The following DPP6 variants were observed in gnomAD, a reference collection of about 807,000 sequenced individuals.
The protein encoded by DPP6 is A-type potassium channel modulatory protein DPP6.
In DPP6, 69 loss-of-function variants were observed where a neutral mutation model predicts 122.6. The ratio of observed to expected loss-of-function variants is 0.56; its 90% CI spans 0.46 to 0.69. The LOEUF (loss-of-function observed/expected upper bound fraction) is 0.69, where lower values mean the gene tolerates loss of function less well. DPP6 is among the 30% of genes least tolerant of loss of function. The probability of loss-of-function intolerance (pLI) is 0.00; values close to 1 mark genes in which losing one functional copy is unlikely to be tolerated. For synonymous variants in DPP6, 418 were observed against 433.1 expected (o/e 0.97, Z 0.43); for missense variants, 928 against 1,116.9 (o/e 0.83, Z 2.41).
chr7:154,440,522 G>A (rs1819282490), intron 1 of DPP6, among the ~76,000 whole-genome samples: 1 of 152,166 alleles, frequency 6.6e-6, no homozygotes, highest in Non-Finnish European at 1.5e-5. Context: ...CCTCCAGCCA[G>A]CATTGTGAAT....
chr7:153,951,386 G>A (rs1489007848), intron 1 of DPP6, among the ~76,000 whole-genome samples: 5 of 152,156 alleles, frequency 3.3e-5, no homozygotes, highest in Non-Finnish European at 7.3e-5. Context: ...AGAAGCGCTC[G>A]AGGTCAGTCA....
rs545854529 is a variant in DPP6, at chr7:154,840,314, C to T, written c.1667-13466C>T. Among the ~76,000 whole-genome samples, 269 of 152,316 alleles carry T rather than the reference C, an allele frequency of 1.8e-3. 1 individual carries two copies. Among genetic ancestry groups the T allele is most frequent in the African/African-American group, 6.2e-3 (256 of 41,576 alleles). On this transcript the variant is annotated intron_variant, in intron 16 of 25. Transcript: ENST00000377770. ...CACATTCCTCCATTCTGCTGTCACA[C>T]GGTGGACCAACCATCAGGGGCTAAA...
rs183059170 is a variant in DPP6 at position 154,683,330 on chromosome 7, A to G, written c.762+13889A>G. Among the ~76,000 whole-genome samples, 3 of 152,190 alleles carry G rather than the reference A, an allele frequency of 2.0e-5. No individual in the cohort carries two copies. In the East Asian group the frequency reaches 5.8e-4, roughly 29 times the overall value. On this transcript the variant is annotated intron_variant, in intron 7 of 25. Transcript: ENST00000377770. Reference sequence around the variant, plus strand: ...TCAGTTCATTCATAAATCTAAACTCACTATTGTTTCTGCCAAAGCTCTGCC... The same window carrying G: ...TCAGTTCATTCATAAATCTAAACTCGCTATTGTTTCTGCCAAAGCTCTGCC...
intron 1 of DPP6, among the ~76,000 whole-genome samples, chr7:153,911,981 C>T (rs1489130390): frequency 3.3e-5 from 5 of 152,138 alleles, no homozygotes; most frequent in Non-Finnish European, 4.4e-5. Flanking sequence ...CTGAAAACTT[C>T]GGGTTAAATT....
intron 1 of DPP6, among the ~76,000 whole-genome samples, chr7:153,993,891 C>G (rs1268992571): frequency 6.6e-6 from 1 of 152,090 alleles, no homozygotes; most frequent in Non-Finnish European, 1.5e-5. Flanking sequence ...CAATTCTGGC[C>G]AATCTTGGCT....
At chr7:154,196,227 T>C (rs1304968112) in intron 1 of DPP6, among the ~76,000 whole-genome samples, 1 of 152,190 alleles carries the variant, frequency 6.6e-6, no homozygotes, top group Non-Finnish European at 1.5e-5. Flanking sequence ...CGGTGGCTCA[T>C]GCCTGTAATC....
rs543743690 is a variant in DPP6, at chr7:154,007,048, G to A, written c.51+119314G>A. 6.6e-5 allele frequency among the ~76,000 whole-genome samples: 10 copies of A among 152,322 alleles called. No homozygotes were observed. In the South Asian group the frequency reaches 1.9e-3, roughly 28 times the overall value. ...GTGTACAGAGCCTGGTCATGCTATG[G>A]GTCACAGAGACACAGGGCCACTGCC... On this transcript the variant is annotated intron_variant, in intron 1 of 25. Coordinates refer to the DPP6 transcript ENST00000404039.
chr7:153,961,771 T>C (rs1252011599), intron 1 of DPP6, among the ~76,000 whole-genome samples: 1 of 105,050 alleles, frequency 9.5e-6, no homozygotes, highest in African/African-American at 4.6e-5. Flanking sequence ...TCATCAGGCA[T>C]TGGATTCTCA....
At chr7:154,782,644 C>T (rs1797098455) in intron 10 of DPP6, among the ~76,000 whole-genome samples, 1 of 152,252 alleles carries the variant, frequency 6.6e-6, no homozygotes, top group East Asian at 1.9e-4. Flanking sequence ...CGCTCGTCTC[C>T]AATCAGTAGT....
chr7:154,514,687 G>T (rs1488880957), intron 3 of DPP6, among the ~76,000 whole-genome samples: 1 of 152,102 alleles, frequency 6.6e-6, no homozygotes, highest in African/African-American at 2.4e-5. Context: ...TGTCTTACGG[G>T]TTCATCCATG....
At chr7:153,825,534 A>T in the DPP6 span, among the ~76,000 whole-genome samples, 1 of 144,826 alleles carries the variant, frequency 6.9e-6, no homozygotes, top group African/African-American at 2.6e-5. Flanking sequence ...TGCACATGGC[A>T]TCTTGCCCAT....
rs1196577624 is a variant in DPP6, at chr7:154,060,474, A to AC, written c.243+7413dup. Among the ~76,000 whole-genome samples the AC allele has an allele frequency of 1.1e-4, 14 of 130,126 alleles. 1 individual carries two copies. The highest frequency in any genetic ancestry group is 8.8e-4 in the East Asian group (4 of 4,524). The allele number at this position is 130,126 out of a possible 152,430, so 85.4% of individuals were successfully genotyped here. On this transcript the variant is annotated intron_variant, in intron 1 of 25. Transcript: ENST00000377770. Reference sequence around the variant, plus strand: ...GACCCTCTTCCCCCTCTGGCTTAGGACCTCCATCGTTGATCCTAAGATCCT... The same window carrying AC: ...GACCCTCTTCCCCCTCTGGCTTAGGACCCTCCATCGTTGATCCTAAGATCCT...
chr7:154,637,944 C>A, intron 6 of DPP6, 71 bp downstream of exon 6: 1 of 1,499,490 alleles, frequency 6.7e-7, no homozygotes, highest in Non-Finnish European at 9.0e-7. Context: ...CATGGACGAG[C>A]TGTTTAACCC....
chr7:153,798,283 T>C, the DPP6 span, among the ~76,000 whole-genome samples: 1 of 152,158 alleles, frequency 6.6e-6, no homozygotes, highest in African/African-American at 2.4e-5. Context: ...TTAGGCAGGT[T>C]TCGGGGATGC....
chr7:154,305,217 G>T (rs866595435), intron 1 of DPP6: 6 of 1,172,394 alleles, frequency 5.1e-6, no homozygotes, highest in South Asian at 6.7e-5. Context: ...AGTTATCATT[G>T]TTTCTGTGGC....
intron 2 of DPP6, among the ~76,000 whole-genome samples, chr7:154,451,414 C>T (rs1185703736): frequency 6.6e-6 from 1 of 151,334 alleles, no homozygotes; most frequent in Non-Finnish European, 1.5e-5. Context: ...GCTTCTTACA[C>T]CGAAATGTCC....
intron 4 of DPP6, among the ~76,000 whole-genome samples, chr7:154,552,832 C>T (rs1054075851): frequency 2.6e-5 from 4 of 152,254 alleles, no homozygotes; most frequent in Middle Eastern, 3.4e-3. Context: ...TCATTGGCTA[C>T]GGATTGCAAC....
chr7:154,254,561 C>G (rs1159344295), intron 1 of DPP6, among the ~76,000 whole-genome samples: 1 of 152,096 alleles, frequency 6.6e-6, no homozygotes, highest in Non-Finnish European at 1.5e-5. Flanking sequence ...ATTACATTAG[C>G]TGCCTCCTTG....
chr7:154,361,908 G>T (rs954124876), intron 1 of DPP6, among the ~76,000 whole-genome samples: 3 of 152,238 alleles, frequency 2.0e-5, no homozygotes, highest in African/African-American at 7.2e-5. Context: ...CTGCACTGCT[G>T]AGTTTAGGGT....
Sources: allele counts gnomAD v4.1 joint callset (sites outside exome capture counted in the v4.1 genomes callset), GRCh38; gene constraint gnomAD v4.1.1; transcripts MANE v1.5; gene names NCBI Gene and HGNC (gene_info 2026-07-23, HGNC 2026-07-21).